MGLL: variants seen among roughly 807,000 people sequenced by gnomAD.
The protein encoded by MGLL is monoglyceride lipase.
A neutral mutation model predicts 29.1 loss-of-function variants in MGLL; 7 were observed. The observed-to-expected ratio is 0.24, with a 90% CI of 0.14 to 0.45. MGLL has a LOEUF of 0.45. Among genes scored for constraint, MGLL ranks in the 20% least tolerant of loss-of-function variants. MGLL has a pLI of 0.99. For synonymous variants in MGLL, 148 were observed against 168.3 expected, an observed-to-expected ratio of 0.88 and a Z score of 0.93; for missense variants, 356 against 413.6, an observed-to-expected ratio of 0.86 and a Z score of 1.21.
intron 2 of MGLL, among the ~76,000 whole-genome samples, chr3:127,809,155 G>A (rs373531727): frequency 3.9e-5 from 6 of 152,120 alleles, no homozygotes; most frequent in African/African-American, 7.2e-5. Flanking sequence ...GGGAGTGAGG[G>A]GAATTGGGGC....
chr3:127,752,811 C>T (rs1364808338), intron 3 of MGLL, among the ~76,000 whole-genome samples: 2 of 152,178 alleles, frequency 1.3e-5, no homozygotes, highest in Non-Finnish European at 2.9e-5. Context: ...CTCAGGCTGC[C>T]TCCTTACCAT....
At chr3:127,692,823 T>C (rs1409552715) in intron 7 of MGLL, among the ~76,000 whole-genome samples, 5 of 152,180 alleles carry the variant, frequency 3.3e-5, no homozygotes, top group Admixed American at 2.0e-4. Flanking sequence ...CACTTTCCTC[T>C]TGTGGTTCCA....
intron 3 of MGLL, among the ~76,000 whole-genome samples, chr3:127,779,560 T>G (rs2077089420): frequency 6.6e-6 from 1 of 151,954 alleles, no homozygotes; most frequent in African/African-American, 2.4e-5. Flanking sequence ...CGCAGGACCT[T>G]ACATAACCTC....
intron 2 of MGLL, among the ~76,000 whole-genome samples, chr3:127,790,030 C>A (rs1030773978): frequency 1.3e-5 from 2 of 152,198 alleles, no homozygotes; most frequent in Non-Finnish European, 2.9e-5. Flanking sequence ...GTGACAATCA[C>A]CCTGATTAGT....
rs577929180 is a variant in MGLL at position 127,697,992 on chromosome 3, G to A, written c.601-2802C>T. Reference sequence around the variant, plus strand: ...AGCAGGCCTGCTGCTTTGCCCCGCTGACCCCAAGTGTCCTGGGCACAGCAG... The same window carrying A: ...AGCAGGCCTGCTGCTTTGCCCCGCTAACCCCAAGTGTCCTGGGCACAGCAG... On this transcript the variant is annotated intron_variant, in intron 6 of 7. Transcript: ENST00000265052. Among the ~76,000 whole-genome samples the A allele has an allele frequency of 1.4e-4, 21 of 152,330 alleles. No homozygotes were observed. The East Asian group carries it at 3.7e-3, about 27-fold the overall frequency.
chr3:127,810,713 T>C (rs974688991), intron 2 of MGLL, among the ~76,000 whole-genome samples: 4 of 152,206 alleles, frequency 2.6e-5, no homozygotes, highest in African/African-American at 9.7e-5. Flanking sequence ...GCTAGTGCCA[T>C]GGAGAGGTCA....
intron 7 of MGLL, among the ~76,000 whole-genome samples, chr3:127,693,726 C>T (rs987283297): frequency 2.6e-5 from 4 of 152,182 alleles, no homozygotes; most frequent in African/African-American, 9.7e-5. Context: ...TTTATTTGCT[C>T]ATCCCACCAG....
chr3:127,795,163 G>A (rs2077364433), intron 2 of MGLL, among the ~76,000 whole-genome samples: 1 of 152,178 alleles, frequency 6.6e-6, no homozygotes, highest in Admixed American at 6.5e-5. Context: ...AGAAAAGGTG[G>A]TACATATATG....
chr3:127,798,400 G>T (rs559447199), intron 2 of MGLL, among the ~76,000 whole-genome samples: 1 of 152,128 alleles, frequency 6.6e-6, no homozygotes, highest in African/African-American at 2.4e-5. Flanking sequence ...CAGTCCTGGG[G>T]CTCCGAAGTA....
At chr3:127,818,245 G>A (rs2077793624) in intron 2 of MGLL, among the ~76,000 whole-genome samples, 1 of 152,186 alleles carries the variant, frequency 6.6e-6, no homozygotes, top group Admixed American at 6.5e-5. Context: ...TTATAGGCGT[G>A]AGCCACTGCA....
chr3:127,736,066 C>T lies in MGLL; in HGVS notation c.263-13500G>A, dbSNP rs2076237343. 8.4e-6 allele frequency: 11 copies of T among 1,304,150 alleles called. No individual in the cohort carries two copies. The South Asian group carries it at 2.6e-4, about 31-fold the overall frequency. The allele number at this position is 1,304,150 out of a possible 1,614,324, so 80.8% of individuals were successfully genotyped here. On this transcript the variant is annotated intron_variant, in intron 3 of 7. Transcript: ENST00000265052. Reference sequence around the variant, plus strand: ...AAAACATTCAGTTAGATCTGTTGTCCTCTGTGAGATTACAGAAGTTCCCAA... The same window carrying T: ...AAAACATTCAGTTAGATCTGTTGTCTTCTGTGAGATTACAGAAGTTCCCAA...
intron 6 of MGLL, among the ~76,000 whole-genome samples, chr3:127,697,918 C>T (rs1004293971): frequency 1.3e-5 from 2 of 152,206 alleles, no homozygotes; most frequent in African/African-American, 4.8e-5. Flanking sequence ...GTGGGGGCCA[C>T]ACCCTCGCCC....
intron 7 of MGLL, among the ~76,000 whole-genome samples, chr3:127,694,268 T>TG (rs202243652): frequency 0.14 from 7,817 of 56,942 alleles, 281 homozygotes; most frequent in East Asian, 0.27. Context: ...ATACTCTGTC[T>TG]GAAAAAAAAA....
chr3:127,788,169 G>T (rs1369303657), intron 2 of MGLL, among the ~76,000 whole-genome samples: 1 of 152,168 alleles, frequency 6.6e-6, no homozygotes, highest in Non-Finnish European at 1.5e-5. Flanking sequence ...AGAATTTATG[G>T]AAAATCACCA....
At chr3:127,710,487 G>C in intron 6 of MGLL, 89 bp downstream of exon 6, 1 of 1,164,110 alleles carries the variant, frequency 8.6e-7, no homozygotes, top group East Asian at 2.6e-5. Flanking sequence ...TGAAAGGGCA[G>C]CAGAGAATGC....
chr3:127,745,775 C>G (rs2076430900), intron 3 of MGLL, among the ~76,000 whole-genome samples: 1 of 152,180 alleles, frequency 6.6e-6, no homozygotes, highest in Non-Finnish European at 1.5e-5. Flanking sequence ...AGCTGCCTTG[C>G]TCAGGCCACA....
chr3:127,726,020 G>C (rs1303223358), intron 3 of MGLL, among the ~76,000 whole-genome samples: 1 of 150,502 alleles, frequency 6.6e-6, no homozygotes, highest in Non-Finnish European at 1.5e-5. Context: ...AGCTGTGCTC[G>C]CACCACTGCT....
intron 2 of MGLL, among the ~76,000 whole-genome samples, chr3:127,784,516 A>T (rs2077181092): frequency 6.6e-6 from 1 of 152,186 alleles, no homozygotes. Flanking sequence ...AGTTCTAGCC[A>T]TAGAGGCTGA....
intron 3 of MGLL, among the ~76,000 whole-genome samples, chr3:127,731,303 C>A (rs985290635): frequency 1.3e-4 from 20 of 151,396 alleles, no homozygotes; most frequent in African/African-American, 4.4e-4. Context: ...CAGGCGCACA[C>A]CACTATGCCT....
Sources: gnomAD v4.1 joint callset for allele counts (sites outside exome capture counted in the v4.1 genomes callset) on GRCh38, gnomAD v4.1.1 for gene constraint, MANE v1.5 for transcripts, NCBI Gene and HGNC (gene_info 2026-07-23, HGNC 2026-07-21) for gene names.